The following SLC25A21 variants were observed in gnomAD, a reference collection of about 807,000 sequenced individuals.
SLC25A21 encodes mitochondrial 2-oxodicarboxylate carrier.
In SLC25A21, 47 loss-of-function variants were observed where a neutral mutation model predicts 43.8. That is an observed-to-expected ratio of 1.07 (90% CI 0.85 to 1.37). The LOEUF (loss-of-function observed/expected upper bound fraction) is 1.37, where lower values mean the gene tolerates loss of function less well. Among genes scored for constraint, SLC25A21 ranks in the 40% most tolerant of loss-of-function variants. The probability of loss-of-function intolerance (pLI) is 0.00; values close to 1 mark genes in which losing one functional copy is unlikely to be tolerated. For missense variants in SLC25A21, 352 were observed against 350.2 expected (o/e 1.00, Z -0.04); for synonymous variants, 131 against 121.3 (o/e 1.08, Z -0.52).
At chr14:37,145,560 G>A (rs1315680026) in intron 1 of SLC25A21, among the ~76,000 whole-genome samples, 1 of 151,896 alleles carries the variant, frequency 6.6e-6, no homozygotes, top group Non-Finnish European at 1.5e-5. Flanking sequence ...AGGTTGCTAT[G>A]ACCCCACTGA....
chr14:36,981,804 T>G (rs1960031503), intron 1 of SLC25A21, among the ~76,000 whole-genome samples: 2 of 152,272 alleles, frequency 1.3e-5, no homozygotes, highest in Admixed American at 1.3e-4. Flanking sequence ...AACCTGCACC[T>G]TGTGCACATG....
At chr14:37,031,966 G>A (rs1594760459) in intron 1 of SLC25A21, among the ~76,000 whole-genome samples, 1 of 152,128 alleles carries the variant, frequency 6.6e-6, no homozygotes. Flanking sequence ...AGAATTCCCA[G>A]TTCCTAAAAT....
rs115220036 is a variant in SLC25A21, at chr14:37,102,061, A to C, written c.70+70220T>G. On this transcript the variant is annotated intron_variant, in intron 1 of 9. Coordinates refer to ENST00000331299, the MANE Select transcript of SLC25A21 (RefSeq NM_030631.4). ...GATTTTAATGTAATGTTTAAATATT[A>C]AATTATTGGAAAACAGTATAACTTT... 6.2e-3 allele frequency among the ~76,000 whole-genome samples: 938 copies of C among 152,332 alleles called. 13 individuals carry two copies. Among genetic ancestry groups the C allele is most frequent in the African/African-American group, 0.022 (894 of 41,568 alleles).
At chr14:37,115,029 A>C (rs1014702924) in intron 1 of SLC25A21, among the ~76,000 whole-genome samples, 3 of 152,134 alleles carry the variant, frequency 2.0e-5, no homozygotes, top group Non-Finnish European at 4.4e-5. Context: ...TACCCAAAAT[A>C]ATATCTGGCT....
In SLC25A21 at chr14:36,726,075, A is replaced by G. The variant is rs189527985; in HGVS notation, c.331-398T>C. ...CTACTTAAATTCCTTTATTGAGCAT[A>G]TAAGAAATCCAAGGAGCACAACCAC... On this transcript the variant is annotated intron_variant, in intron 5 of 9. Coordinates refer to ENST00000331299, the MANE Select transcript of SLC25A21 (RefSeq NM_030631.4). 8.0e-4 allele frequency among the ~76,000 whole-genome samples: 122 copies of G among 152,356 alleles called. No homozygotes were observed. The Middle Eastern group carries it at 0.017, about 21-fold the overall frequency.
At chr14:37,160,551 A>T (rs754569492) in intron 1 of SLC25A21, among the ~76,000 whole-genome samples, 1 of 152,126 alleles carries the variant, frequency 6.6e-6, no homozygotes, top group Non-Finnish European at 1.5e-5. Context: ...AAAATAGATA[A>T]CAGAGGCTGG....
intron 2 of SLC25A21, among the ~76,000 whole-genome samples, chr14:36,845,211 C>T (rs988172247): frequency 2.6e-5 from 4 of 152,096 alleles, no homozygotes; most frequent in Admixed American, 6.5e-5. Context: ...AAAACTCACC[C>T]TGGAAAAATT....
chr14:36,780,165 C>T (rs927719200), intron 3 of SLC25A21, among the ~76,000 whole-genome samples: 1 of 151,806 alleles, frequency 6.6e-6, no homozygotes, highest in African/African-American at 2.4e-5. Context: ...TGATTCTTTG[C>T]ATCTCTGTGA....
At chr14:37,106,733 C>T (rs1174976987) in intron 1 of SLC25A21, among the ~76,000 whole-genome samples, 13 of 120,070 alleles carry the variant, frequency 1.1e-4, no homozygotes, top group African/African-American at 2.7e-4. Context: ...CCTGTTCTTA[C>T]ACCCCCTCCC....
chr14:36,751,622 C>CT, intron 3 of SLC25A21, among the ~76,000 whole-genome samples: 1 of 152,310 alleles, frequency 6.6e-6, no homozygotes. Context: ...ATAATCTATA[C>CT]TTTTCATTAC....
intron 1 of SLC25A21, among the ~76,000 whole-genome samples, chr14:36,972,543 T>C (rs1043453085): frequency 3.9e-5 from 6 of 152,102 alleles, no homozygotes; most frequent in African/African-American, 1.4e-4. Context: ...AACTGAACAC[T>C]GGCCAGCAGG....
intron 1 of SLC25A21, among the ~76,000 whole-genome samples, chr14:36,954,055 C>T (rs1165797653): frequency 1.3e-5 from 2 of 152,072 alleles, no homozygotes; most frequent in African/African-American, 2.4e-5. Context: ...TTCTGTAGAA[C>T]CAGACTATCA....
chr14:36,969,711 C>A (rs1204307735), intron 1 of SLC25A21, among the ~76,000 whole-genome samples: 1 of 151,776 alleles, frequency 6.6e-6, no homozygotes, highest in African/African-American at 2.4e-5. Flanking sequence ...ATACTGGTCC[C>A]AAACTCTTGG....
At chr14:36,725,514 A>G (rs1352279114) in intron 6 of SLC25A21, 56 bp downstream of exon 6, 3 of 618,798 alleles carry the variant, frequency 4.8e-6, no homozygotes, top group Admixed American at 4.2e-5. Context: ...TAAATAAATA[A>G]ATAAATAAAT....
chr14:37,038,493 T>C (rs1961376765), intron 1 of SLC25A21, among the ~76,000 whole-genome samples: 1 of 152,192 alleles, frequency 6.6e-6, no homozygotes, highest in Admixed American at 6.5e-5. Flanking sequence ...TACTTGAAAA[T>C]TAATTTTCAT....
intron 1 of SLC25A21, among the ~76,000 whole-genome samples, chr14:37,136,224 A>G (rs919037800): frequency 6.6e-6 from 1 of 152,204 alleles, no homozygotes; most frequent in African/African-American, 2.4e-5. Context: ...TTTAAAATGA[A>G]TTGTTCTCAA....
At chr14:37,011,672 T>C (rs1960735817) in intron 1 of SLC25A21, among the ~76,000 whole-genome samples, 2 of 152,310 alleles carry the variant, frequency 1.3e-5, no homozygotes, top group South Asian at 2.1e-4. Context: ...AATACGTTTA[T>C]AGAGTGTATG....
At chr14:37,022,917 C>A (rs1961017660) in intron 1 of SLC25A21, among the ~76,000 whole-genome samples, 1 of 151,982 alleles carries the variant, frequency 6.6e-6, no homozygotes, top group African/African-American at 2.4e-5. Context: ...AAAACAATAG[C>A]ATATAATTAT....
intron 1 of SLC25A21, among the ~76,000 whole-genome samples, chr14:36,992,160 T>C (rs1453659032): frequency 2.0e-5 from 3 of 152,224 alleles, no homozygotes; most frequent in Non-Finnish European, 4.4e-5. Context: ...CCTGAGAATC[T>C]ATCTGTGGGT....
Sources: gnomAD v4.1 joint callset for allele counts (sites outside exome capture counted in the v4.1 genomes callset) on GRCh38, gnomAD v4.1.1 for gene constraint, MANE v1.5 for transcripts, NCBI Gene and HGNC (gene_info 2026-07-23, HGNC 2026-07-21) for gene names.